MEIS1: variants seen among roughly 807,000 people sequenced by gnomAD.
The protein encoded by MEIS1 is homeobox protein Meis1.
MEIS1 carries 5 observed loss-of-function variants against 50.8 expected under a neutral mutation model. The observed-to-expected ratio is 0.10, with a 90% CI of 0.05 to 0.21. MEIS1 has a LOEUF of 0.21. Ranked by LOEUF, MEIS1 falls within the 10% of genes least tolerant of loss-of-function variation. The pLI, the probability that MEIS1 is intolerant of heterozygous loss-of-function variation, is 1.00. For synonymous variants in MEIS1, 176 were observed against 179.3 expected (o/e 0.98, Z 0.15); for missense variants, 318 against 517.3 (o/e 0.61, Z 3.74).
chr2:66,534,789 C>T lies in MEIS1; in HGVS notation c.889-13154C>T, dbSNP rs913824765. On this transcript the variant is annotated intron_variant, in intron 8 of 12. Transcript: ENST00000272369. ...CACATTACATAAAGCAAAACTATAT[C>T]TAGTTGTTTCAAAGAGGAACAAACG... Among the ~76,000 whole-genome samples, 4 of 152,128 alleles carry T rather than the reference C, an allele frequency of 2.6e-5. No homozygotes were observed. In the South Asian group the frequency reaches 8.3e-4, roughly 32 times the overall value.
chr2:66,478,717 T>C (rs1255649788), intron 7 of MEIS1, among the ~76,000 whole-genome samples: 2 of 152,224 alleles, frequency 1.3e-5, no homozygotes, highest in Non-Finnish European at 2.9e-5. Flanking sequence ...CAATTCCAAA[T>C]AGACACACGC....
At chr2:66,539,400 T>C (rs901021072) in intron 8 of MEIS1, among the ~76,000 whole-genome samples, 3 of 152,336 alleles carry the variant, frequency 2.0e-5, no homozygotes, top group East Asian at 1.9e-4. Flanking sequence ...ATAATCATCA[T>C]ATATATTCAT....
At chr2:66,552,868 C>T (rs1001241393) in intron 9 of MEIS1, among the ~76,000 whole-genome samples, 2 of 152,132 alleles carry the variant, frequency 1.3e-5, no homozygotes, top group South Asian at 2.1e-4. Context: ...ATCCTTTCAA[C>T]TTCTGTGATC....
At position 66,435,803 on chromosome 2, in the gene MEIS1, G is replaced by C; in HGVS notation, c.-54G>C. ...TTGAATATTTGTTTCTTTTCACACT[G>C]GCCTTAAAGAGGATATATTAGAAGT... On this transcript the variant is annotated 5_prime_UTR_variant, in exon 1 of 13. Transcript: ENST00000272369. 1 of 1,271,184 alleles carries C rather than the reference G, an allele frequency of 7.9e-7. No individual in the cohort carries two copies. Among genetic ancestry groups the C allele is most frequent in the South Asian group, 1.4e-5 (1 of 70,300 alleles). The allele number at this position is 1,271,184 out of a possible 1,614,324, so 78.7% of individuals were successfully genotyped here.
intron 7 of MEIS1, among the ~76,000 whole-genome samples, chr2:66,478,810 G>T (rs968880402): frequency 6.6e-5 from 10 of 152,200 alleles, no homozygotes; most frequent in Non-Finnish European, 1.3e-4. Context: ...GGACATGGTT[G>T]TATTGAGCTA....
At chr2:66,497,057 G>C (rs1335909271) in intron 7 of MEIS1, among the ~76,000 whole-genome samples, 1 of 152,142 alleles carries the variant, frequency 6.6e-6, no homozygotes, top group Non-Finnish European at 1.5e-5. Flanking sequence ...AAGATTCAGG[G>C]AAGGTTTATG....
rs181379361 is a variant in MEIS1 at position 66,462,517 on chromosome 2, G to A, written c.631-1592G>A. ...GAAAAACATCCTTTTACATGTCGAG[G>A]CACCGGGGTTTTGTGCCTGGCATTG... On this transcript the variant is annotated intron_variant, in intron 6 of 12. Coordinates refer to ENST00000272369, the MANE Select transcript of MEIS1 (RefSeq NM_002398.3). Among the ~76,000 whole-genome samples the A allele has an allele frequency of 2.5e-3, 381 of 152,260 alleles. 2 individuals carry two copies. The highest frequency in any genetic ancestry group is 8.7e-3 in the African/African-American group (360 of 41,530).
intron 6 of MEIS1, 61 bp from the exon 7 acceptor site, chr2:66,464,048 A>T (rs1431056084): frequency 8.2e-6 from 10 of 1,217,700 alleles, no homozygotes; most frequent in Non-Finnish European, 1.2e-5. Context: ...ATGCCATGGG[A>T]TCCTACCAAT....
chr2:66,527,028 A>G (rs1427411798), intron 8 of MEIS1, among the ~76,000 whole-genome samples: 1 of 152,194 alleles, frequency 6.6e-6, no homozygotes, highest in Non-Finnish European at 1.5e-5. Flanking sequence ...TTCGTTCAAA[A>G]GAGACCGAAA....
At chr2:66,528,521 A>T (rs1674312343) in intron 8 of MEIS1, among the ~76,000 whole-genome samples, 1 of 151,964 alleles carries the variant, frequency 6.6e-6, no homozygotes, top group South Asian at 2.1e-4. Context: ...CTCAGCTGAG[A>T]CCCAGGAGTC....
chr2:66,557,007 G>A (rs1247427896), intron 9 of MEIS1, among the ~76,000 whole-genome samples: 2 of 152,084 alleles, frequency 1.3e-5, no homozygotes, highest in Non-Finnish European at 2.9e-5. Context: ...AAAGCATATC[G>A]AGAATTAAAT....
At chr2:66,540,084 T>C (rs968246564) in intron 8 of MEIS1, among the ~76,000 whole-genome samples, 10 of 152,286 alleles carry the variant, frequency 6.6e-5, no homozygotes, top group African/African-American at 2.4e-4. Context: ...GCTGTTGGTG[T>C]GTTTTTGACC....
intron 9 of MEIS1, among the ~76,000 whole-genome samples, chr2:66,562,762 G>T (rs1675249690): frequency 6.6e-6 from 1 of 152,044 alleles, no homozygotes; most frequent in Non-Finnish European, 1.5e-5. Context: ...GTCAGAAGAA[G>T]AAATTCTAAC....
At chr2:66,446,907 T>C (rs536682342) in intron 6 of MEIS1, among the ~76,000 whole-genome samples, 2 of 152,372 alleles carry the variant, frequency 1.3e-5, no homozygotes, top group South Asian at 4.1e-4. Context: ...ATGGCGATTG[T>C]TTTATTTCAA....
intron 6 of MEIS1, among the ~76,000 whole-genome samples, chr2:66,458,290 T>C (rs911692218): frequency 3.3e-5 from 5 of 152,128 alleles, no homozygotes; most frequent in Non-Finnish European, 7.3e-5. Flanking sequence ...GAATTAAACT[T>C]GATGAGGTGG....
chr2:66,440,092 C>CACACACACAA, intron 3 of MEIS1, 108 bp downstream of exon 3: 2 of 1,059,520 alleles, frequency 1.9e-6, no homozygotes, highest in South Asian at 1.6e-5. Flanking sequence ...CACACACACA[C>CACACACACAA]GGCACACTTT....
chr2:66,470,740 C>A (rs79511899), intron 7 of MEIS1, among the ~76,000 whole-genome samples: 1 of 151,994 alleles, frequency 6.6e-6, no homozygotes, highest in Non-Finnish European at 1.5e-5. Flanking sequence ...TATTTACAGC[C>A]GAGTAGAGAT....
intron 6 of MEIS1, 47 bp from the exon 7 acceptor site, chr2:66,464,062 G>T (rs1332434268): frequency 1.5e-6 from 2 of 1,355,460 alleles, no homozygotes; most frequent in Non-Finnish European, 2.1e-6. Flanking sequence ...TACCAATAAG[G>T]GTTCACAGAT....
At chr2:66,443,683 CAG>C (rs1189005482) in intron 6 of MEIS1, 1 of 152,324 alleles carries the variant, frequency 6.6e-6, no homozygotes, top group Non-Finnish European at 1.5e-5. Flanking sequence ...GTTATAAAAA[CAG>C]ATAAATATGG....
Sources: allele counts gnomAD v4.1 joint callset (sites outside exome capture counted in the v4.1 genomes callset), GRCh38; gene constraint gnomAD v4.1.1; transcripts MANE v1.5; gene names NCBI Gene and HGNC (gene_info 2026-07-23, HGNC 2026-07-21).